Variants in ZFHX3 observed in about 807,000 individuals in gnomAD.
ZFHX3 encodes zinc finger homeobox protein 3.
ZFHX3 carries 42 observed loss-of-function variants against 279.1 expected under a neutral mutation model. The observed-to-expected ratio is 0.15, with a 90% CI of 0.12 to 0.19. ZFHX3 has a LOEUF of 0.19. Among genes scored for constraint, ZFHX3 ranks in the 10% least tolerant of loss-of-function variants. The pLI is 1.00. For synonymous variants in ZFHX3, 2,293 were observed against 1,957.8 expected, an observed-to-expected ratio of 1.17 and a Z score of -4.52; for missense variants, 4,981 against 4,754.0, an observed-to-expected ratio of 1.05 and a Z score of -1.40.
chr16:73,512,779 G>C (rs1567506146), intron 2 of ZFHX3, among the ~76,000 whole-genome samples: 1 of 152,164 alleles, frequency 6.6e-6, no homozygotes, highest in Non-Finnish European at 1.5e-5. Context: ...AAGTGTCAGA[G>C]GGTCAGGAGG....
intron 3 of ZFHX3, among the ~76,000 whole-genome samples, chr16:73,448,537 A>G (rs940909169): frequency 6.6e-6 from 1 of 152,210 alleles, no homozygotes; most frequent in Admixed American, 6.5e-5. Flanking sequence ...GAAAGTCTTT[A>G]GTGAACGAAA....
intron 5 of ZFHX3, among the ~76,000 whole-genome samples, chr16:73,209,827 A>G (rs1395360227): frequency 6.6e-6 from 1 of 152,210 alleles, no homozygotes; most frequent in Non-Finnish European, 1.5e-5. Context: ...TAATACCTTT[A>G]TGTTAATATG....
chr16:72,788,740 C>T lies in ZFHX3; in HGVS notation c.9536G>A (p.Ser3179Asn). 6.3e-7 allele frequency: 1 copy of T among 1,591,726 alleles called. No individual in the cohort carries two copies. ...LPNKPSSASL[S>N]SPTPAQATMA... ...CGTGGCTTGTGCTGGGGTTGGGGAG[C>T]TCAGCGACGCTGAGGACGGTTTATT... The change falls in exon 10 of 10, where the codon AGC becomes AAC. Residue 3179 changes from serine to asparagine, a missense_variant. Physicochemically the swap from Ser to Asn is conservative, Grantham distance 46. Around this residue, in one of 7 missense-constraint regions of ZFHX3, gnomAD observed 1,034 missense variants for 786.0 expected, o/e 1.32. Coordinates refer to ENST00000268489, the MANE Select transcript of ZFHX3 (RefSeq NM_006885.4).
At chr16:73,701,214 A>T (rs2053243097) in intron 1 of ZFHX3, among the ~76,000 whole-genome samples, 1 of 152,252 alleles carries the variant, frequency 6.6e-6, no homozygotes, top group Admixed American at 6.5e-5. Flanking sequence ...GTTATTTGAA[A>T]ATAAATAAAT....
At position 72,959,669 on chromosome 16, in the gene ZFHX3, A is replaced by G. The variant is rs1003873267; in HGVS notation, c.477T>C (p.Ser159=). ...QLTQGGGACG[S]GSGSGPLPSL... Reference sequence around the variant, plus strand: ...AGGGGAGAGGCCCACTGCCACTGCCACTCCCACAGGCGCCCCCGCCCTGGG... The same window carrying G: ...AGGGGAGAGGCCCACTGCCACTGCCGCTCCCACAGGCGCCCCCGCCCTGGG... The change falls in exon 2 of 10, where the codon AGT becomes AGC. Residue 159 remains serine (S), a synonymous_variant. Coordinates refer to ENST00000268489, the MANE Select transcript of ZFHX3 (RefSeq NM_006885.4). The G allele has an allele frequency of 1.9e-6, 3 of 1,613,798 alleles. No homozygotes were observed. Among genetic ancestry groups the G allele is most frequent in the Non-Finnish European group, 2.5e-6 (3 of 1,179,970 alleles).
intron 3 of ZFHX3, among the ~76,000 whole-genome samples, chr16:73,451,454 T>C (rs1367318950): frequency 1.3e-5 from 2 of 152,224 alleles, no homozygotes; most frequent in African/African-American, 2.4e-5. Context: ...GTAGCCAGTA[T>C]CTGAAGGCAT....
chr16:73,189,448 G>A (rs1219402104), intron 5 of ZFHX3, among the ~76,000 whole-genome samples: 1 of 152,230 alleles, frequency 6.6e-6, no homozygotes. Context: ...CAGGGAACGA[G>A]CCGGCACTGG....
chr16:73,633,855 G>A (rs901250347), intron 2 of ZFHX3, among the ~76,000 whole-genome samples: 4 of 151,438 alleles, frequency 2.6e-5, no homozygotes, highest in Admixed American at 2.0e-4. Flanking sequence ...CCAAGACTGT[G>A]CCACTGCACT....
intron 1 of ZFHX3, among the ~76,000 whole-genome samples, chr16:73,719,100 T>A (rs1317383815): frequency 6.6e-6 from 1 of 152,238 alleles, no homozygotes; most frequent in Non-Finnish European, 1.5e-5. Context: ...TCTCCCTGTG[T>A]ATCAAGAACG....
chr16:73,060,256 C>T (rs1284780465), upstream of ZFHX3: 2 of 150,180 alleles, frequency 1.3e-5, no homozygotes, highest in African/African-American at 4.9e-5. Context: ...TTACAGCTAC[C>T]TCCAAGAGTT....
At chr16:73,260,678 T>TG (rs1252160967) in intron 4 of ZFHX3, among the ~76,000 whole-genome samples, 2 of 134,760 alleles carry the variant, frequency 1.5e-5, no homozygotes, top group East Asian at 4.4e-4. Context: ...TGCACCTATC[T>TG]GGTTTTTTTT....
chr16:73,498,557 C>G (rs573912843), intron 2 of ZFHX3, among the ~76,000 whole-genome samples: 1 of 152,334 alleles, frequency 6.6e-6, no homozygotes, highest in Admixed American at 6.5e-5. Flanking sequence ...GCGATAGCAA[C>G]AGCATCTTTT....
chr16:73,439,556 C>A (rs1474290932), intron 3 of ZFHX3, among the ~76,000 whole-genome samples: 1 of 152,108 alleles, frequency 6.6e-6, no homozygotes, highest in African/African-American at 2.4e-5. Flanking sequence ...CTTTCACTCC[C>A]TGTGTGATGT....
chr16:73,249,153 G>C (rs2013404295), intron 5 of ZFHX3, among the ~76,000 whole-genome samples: 2 of 152,172 alleles, frequency 1.3e-5, no homozygotes, highest in Non-Finnish European at 2.9e-5. Flanking sequence ...CACATTTTCA[G>C]TGGATGTATG....
At chr16:73,159,821 G>A (rs747384171) in intron 5 of ZFHX3, among the ~76,000 whole-genome samples, 1 of 152,126 alleles carries the variant, frequency 6.6e-6, no homozygotes, top group Non-Finnish European at 1.5e-5. Context: ...GGAGTGCAGT[G>A]GCATGATCTC....
chr16:72,898,863 G>C (rs1444790604), intron 3 of ZFHX3, among the ~76,000 whole-genome samples: 1 of 152,006 alleles, frequency 6.6e-6, no homozygotes, highest in Non-Finnish European at 1.5e-5. Flanking sequence ...GGACCCTGAG[G>C]AAGGGGCCTA....
chr16:73,294,988 C>A (rs1363378572), intron 4 of ZFHX3, among the ~76,000 whole-genome samples: 1 of 151,732 alleles, frequency 6.6e-6, no homozygotes, highest in Admixed American at 6.6e-5. Context: ...CCGAGACGGG[C>A]GGATCACGAG....
chr16:73,043,330 T>C (rs1728377045), intron 1 of ZFHX3, among the ~76,000 whole-genome samples: 1 of 152,160 alleles, frequency 6.6e-6, no homozygotes. Flanking sequence ...AAAAGGCAGA[T>C]GAAGCCCAGG....
At position 72,797,211 on chromosome 16, in the gene ZFHX3, A is replaced by G. The variant is rs868046870; in HGVS notation, c.5471T>C (p.Leu1824Pro). ...CAGCAGGCCTGGGCCTGTCCCAGTC[A>G]GTGTCAGTGCCCCACTGGTCACTGG... is the stretch of plus-strand genomic sequence containing the variant. ...SLPVTSGALT[L>P]TGTGPGLLED... Residue 1824 changes from leucine to proline, a missense_variant, in exon 9 of 10, where the codon CTG (leucine) becomes CCG (proline). This residue lies in a region of ZFHX3 where 1,751 missense variants were observed against 1,770.0 expected (regional missense o/e 0.99). Transcript: ENST00000268489. The G allele has an allele frequency of 2.5e-6, 4 of 1,613,952 alleles. No homozygotes were observed. Among genetic ancestry groups the G allele is most frequent in the Middle Eastern group, 3.3e-4 (2 of 6,062 alleles).
Sources: gnomAD v4.1 joint callset for allele counts (sites outside exome capture counted in the v4.1 genomes callset) on GRCh38, gnomAD v4.1.1 for gene constraint, gnomAD v4.1.1 regional missense constraint, MANE v1.5 for transcripts, NCBI Gene and HGNC (gene_info 2026-07-23, HGNC 2026-07-21) for gene names.